WWOX: variants seen among roughly 807,000 people sequenced by gnomAD.
WWOX encodes the protein WW domain-containing oxidoreductase.
A neutral mutation model predicts 46.2 loss-of-function variants in WWOX; 69 were observed. The observed-to-expected ratio is 1.49, with a 90% CI of 1.23 to 1.82. The LOEUF is 1.82. Among genes scored for constraint, WWOX ranks in the 40% most tolerant of loss-of-function variants. WWOX has a pLI of 0.00. For synonymous variants in WWOX, 359 were observed against 202.6 expected (o/e 1.77, Z -6.56); for missense variants, 919 against 542.6 (o/e 1.69, Z -6.89).
intron 8 of WWOX, among the ~76,000 whole-genome samples, chr16:78,654,330 C>A (rs113827256): frequency 5.3e-5 from 8 of 152,300 alleles, no homozygotes; most frequent in African/African-American, 1.2e-4. Flanking sequence ...AATAATCTTA[C>A]AATCATCATC....
intron 8 of WWOX, among the ~76,000 whole-genome samples, chr16:78,784,488 G>A (rs766684534): frequency 6.6e-6 from 1 of 152,030 alleles, no homozygotes; most frequent in Non-Finnish European, 1.5e-5. Flanking sequence ...TAAGAGTACA[G>A]TCTCTGGAGC....
intron 5 of WWOX, among the ~76,000 whole-genome samples, chr16:78,374,569 G>A (rs867979472): frequency 3.2e-5 from 3 of 93,290 alleles, no homozygotes; most frequent in African/African-American, 8.5e-5. Context: ...TTTTTTTTAA[G>A]GCAGAGTTTC....
chr16:78,760,717 T>C (rs1032566189), intron 8 of WWOX, among the ~76,000 whole-genome samples: 3 of 152,186 alleles, frequency 2.0e-5, no homozygotes, highest in African/African-American at 7.2e-5. Flanking sequence ...CTGTGGGACA[T>C]GAGACTCTTT....
In WWOX at chr16:78,789,771, A is replaced by G. The variant is rs528604248; in HGVS notation, c.1056+357019A>G. 8.5e-5 allele frequency among the ~76,000 whole-genome samples: 13 copies of G among 152,304 alleles called. No individual in the cohort carries two copies. The South Asian group carries it at 2.7e-3, about 32-fold the overall frequency. ...GGTTGGCCAGCTCCCAAACACCATG[A>G]CATACAACTTGCAGGAAAAGCTCAT... On this transcript the variant is annotated intron_variant, in intron 8 of 8. Coordinates refer to ENST00000566780, the MANE Select transcript of WWOX (RefSeq NM_016373.4).
intron 5 of WWOX, among the ~76,000 whole-genome samples, chr16:78,384,044 C>A (rs2151931785): frequency 6.6e-6 from 1 of 152,280 alleles, no homozygotes; most frequent in Non-Finnish European, 1.5e-5. Flanking sequence ...GTTGGCTGTG[C>A]TATCATTTTT....
chr16:78,399,568 C>T (rs935250743), intron 6 of WWOX, among the ~76,000 whole-genome samples: 1 of 152,178 alleles, frequency 6.6e-6, no homozygotes, highest in African/African-American at 2.4e-5. Flanking sequence ...GCTCTTTGAC[C>T]TGCAGTGAGA....
chr16:78,328,867 CTCT>C (rs956736154), intron 5 of WWOX, among the ~76,000 whole-genome samples: 6 of 151,492 alleles, frequency 4.0e-5, no homozygotes, highest in African/African-American at 1.5e-4. Context: ...CTTTTCTCTT[CTCT>C]TCTTTTCTTT....
chr16:78,316,688 A>G (rs556223059), intron 5 of WWOX, among the ~76,000 whole-genome samples: 4 of 152,090 alleles, frequency 2.6e-5, no homozygotes, highest in South Asian at 2.1e-4. Context: ...TAACTTCTGT[A>G]TTGTCTTTTC....
At chr16:78,530,733 C>G (rs910676396) in intron 8 of WWOX, among the ~76,000 whole-genome samples, 1 of 152,196 alleles carries the variant, frequency 6.6e-6, no homozygotes, top group African/African-American at 2.4e-5. Flanking sequence ...ATTTCCCTGC[C>G]TCCTGTCCCT....
intron 5 of WWOX, among the ~76,000 whole-genome samples, chr16:78,287,167 A>G (rs996663174): frequency 6.6e-6 from 1 of 152,270 alleles, no homozygotes; most frequent in African/African-American, 2.4e-5. Flanking sequence ...TAAGGACAAT[A>G]AAATAAAATA....
intron 8 of WWOX, among the ~76,000 whole-genome samples, chr16:78,461,659 G>A (rs2151423730): frequency 6.6e-6 from 1 of 152,262 alleles, no homozygotes; most frequent in Middle Eastern, 3.4e-3. Context: ...ACCCTCACAG[G>A]TCACGCCTGA....
intron 8 of WWOX, among the ~76,000 whole-genome samples, chr16:78,583,211 T>C (rs142856620): frequency 1.6e-4 from 25 of 152,302 alleles, no homozygotes; most frequent in Non-Finnish European, 1.6e-4. Flanking sequence ...AGGAGGCTGC[T>C]CTATCCCATG....
At chr16:79,067,620 G>A (rs1450387342) in intron 8 of WWOX, among the ~76,000 whole-genome samples, 1 of 128,228 alleles carries the variant, frequency 7.8e-6, no homozygotes, top group African/African-American at 3.1e-5. Flanking sequence ...ATTTGTGCGT[G>A]TGGGTGGGGT....
intron 6 of WWOX, among the ~76,000 whole-genome samples, chr16:78,400,484 G>A (rs1235158406): frequency 6.6e-6 from 1 of 152,180 alleles, no homozygotes; most frequent in East Asian, 1.9e-4. Flanking sequence ...GTTCTGCATT[G>A]TGGATCGATG....
intron 8 of WWOX, among the ~76,000 whole-genome samples, chr16:78,698,938 T>C (rs1419961365): frequency 1.3e-5 from 2 of 152,222 alleles, no homozygotes; most frequent in Non-Finnish European, 1.5e-5. Flanking sequence ...TCTGTAATGA[T>C]TATCATTTGT....
intron 8 of WWOX, chr16:78,496,517 G>C (rs2667587): frequency 0.74 from 112,905 of 152,194 alleles, 44,275 homozygotes; most frequent in Admixed American, 0.86. Context: ...TGACCACTAT[G>C]ATAACATCAA....
At chr16:78,816,502 C>CTATTTT (rs2051333690) in intron 8 of WWOX, among the ~76,000 whole-genome samples, 1 of 42,066 alleles carries the variant, frequency 2.4e-5, no homozygotes, top group Non-Finnish European at 4.2e-5. Flanking sequence ...AGGAGCCACT[C>CTATTTT]TTTTTTTTTT....
At chr16:79,174,975 A>T (rs1459720369) in intron 8 of WWOX, among the ~76,000 whole-genome samples, 1 of 152,146 alleles carries the variant, frequency 6.6e-6, no homozygotes, top group East Asian at 1.9e-4. Flanking sequence ...GATGTGTCTT[A>T]TATCAACATG....
At chr16:78,737,259 T>C (rs1023358530) in intron 8 of WWOX, among the ~76,000 whole-genome samples, 2 of 151,540 alleles carry the variant, frequency 1.3e-5, no homozygotes, top group African/African-American at 4.8e-5. Flanking sequence ...GCCACCATAC[T>C]TCGCTAATTT....
Sources: gnomAD v4.1 joint callset for allele counts (sites outside exome capture counted in the v4.1 genomes callset) on GRCh38, gnomAD v4.1.1 for gene constraint, MANE v1.5 for transcripts, NCBI Gene and HGNC (gene_info 2026-07-23, HGNC 2026-07-21) for gene names.